Variants in ADAM20 observed in about 807,000 individuals in gnomAD.
ADAM20 encodes the protein disintegrin and metalloproteinase domain-containing protein 20.
For missense variants in ADAM20, 871 were observed against 883.2 expected, an observed-to-expected ratio of 0.99 and a Z score of 0.18; for synonymous variants, 305 against 310.2, an observed-to-expected ratio of 0.98 and a Z score of 0.18.
chr14:70,535,943 A>G (rs911808059), upstream of ADAM20, among the ~76,000 whole-genome samples: 1 of 152,246 alleles, frequency 6.6e-6, no homozygotes, highest in Non-Finnish European at 1.5e-5. Context: ...AGAAAACTTC[A>G]AAGTCTACTT....
At chr14:70,555,266 A>G in the ADAM20 span, among the ~76,000 whole-genome samples, 5 of 152,214 alleles carry the variant, frequency 3.3e-5, no homozygotes, top group African/African-American at 4.8e-5. Context: ...ATGTGTTCGC[A>G]CCACAAAAAA....
chr14:70,524,665 G>C lies in ADAM20; in HGVS notation c.93C>G (p.Ala31=), dbSNP rs1434456018. The change falls in exon 2 of 2, where the codon GCC becomes GCG. Residue 31 remains alanine, a synonymous_variant. Coordinates refer to ENST00000256389, the MANE Select transcript of ADAM20 (RefSeq NM_003814.5). ...MFLSISGHSQ[A]RPSQYFTSPE... ...GAGAAGTGAAATACTGGGAGGGCCT[G>C]GCCTGAGAGTGGCCAGAAATAGACA... The C allele has an allele frequency of 2.5e-6, 4 of 1,614,012 alleles. No individual in the cohort carries two copies. The highest frequency in any genetic ancestry group is 3.4e-6 in the Non-Finnish European group (4 of 1,179,966).
chr14:70,534,225 T>C (rs1033911704), intron 1 of ADAM20, among the ~76,000 whole-genome samples: 2 of 151,970 alleles, frequency 1.3e-5, no homozygotes, highest in East Asian at 3.8e-4. Context: ...AAAATTCTCA[T>C]GCTTAAAAAA....
In ADAM20 at chr14:70,526,290, G is replaced by A. The variant is rs138348731; in HGVS notation, c.-176-1357C>T. ...ATATTCTAAGAGCACAAATGAGCAT[G>A]TGCAACCTCCTTAGCATTATGATGT... On this transcript the variant is annotated intron_variant, in intron 1 of 1. Transcript: ENST00000256389. 9.2e-5 allele frequency among the ~76,000 whole-genome samples: 14 copies of A among 152,306 alleles called. No homozygotes were observed. The East Asian group carries it at 2.7e-3, about 29-fold the overall frequency.
chr14:70,525,224 T>C (rs575588643), intron 1 of ADAM20, among the ~76,000 whole-genome samples: 2 of 152,292 alleles, frequency 1.3e-5, no homozygotes, highest in East Asian at 3.9e-4. Context: ...TATTATTTCC[T>C]TATTTTACAG....
At chr14:70,574,588 C>T in the ADAM20 span, among the ~76,000 whole-genome samples, 2 of 151,522 alleles carry the variant, frequency 1.3e-5, no homozygotes, top group East Asian at 1.9e-4. Flanking sequence ...TGCAGTGAGC[C>T]GAGATCGCAC....
At chr14:70,533,818 C>T (rs1883768046) in intron 1 of ADAM20, among the ~76,000 whole-genome samples, 1 of 151,008 alleles carries the variant, frequency 6.6e-6, no homozygotes, top group Admixed American at 6.6e-5. Context: ...CACGGTGGCT[C>T]ATGCCTGTAA....
intron 1 of ADAM20, among the ~76,000 whole-genome samples, chr14:70,530,340 T>G (rs1237803478): frequency 6.6e-6 from 1 of 152,138 alleles, no homozygotes; most frequent in Non-Finnish European, 1.5e-5. Context: ...TCTCCTATGA[T>G]CACAATGCCT....
At chr14:70,543,435 C>A in the ADAM20 span, among the ~76,000 whole-genome samples, 3 of 152,140 alleles carry the variant, frequency 2.0e-5, no homozygotes, top group Non-Finnish European at 4.4e-5. Flanking sequence ...ATGGGCCTTT[C>A]CAAACATGCA....
At chr14:70,553,955 G>C in the ADAM20 span, among the ~76,000 whole-genome samples, 1 of 152,148 alleles carries the variant, frequency 6.6e-6, no homozygotes, top group Non-Finnish European at 1.5e-5. Flanking sequence ...ACAAGAGAAA[G>C]AAGTAAAGGG....
upstream of ADAM20, among the ~76,000 whole-genome samples, chr14:70,539,018 G>A (rs937679960): frequency 6.6e-6 from 1 of 152,170 alleles, no homozygotes; most frequent in Non-Finnish European, 1.5e-5. Flanking sequence ...CCTGATTATT[G>A]TAAATACAAA....
the ADAM20 span, among the ~76,000 whole-genome samples, chr14:70,560,091 A>C: frequency 6.6e-6 from 1 of 152,212 alleles, no homozygotes; most frequent in African/African-American, 2.4e-5. Flanking sequence ...ATCCAATATA[A>C]AATTTATTAA....
At chr14:70,532,488 T>C (rs1407705331) in intron 1 of ADAM20, among the ~76,000 whole-genome samples, 1 of 152,078 alleles carries the variant, frequency 6.6e-6, no homozygotes, top group Admixed American at 6.5e-5. Context: ...CTAAAAATCT[T>C]CTTAACAGCA....
chr14:70,560,685 T>A, the ADAM20 span, among the ~76,000 whole-genome samples: 6 of 152,196 alleles, frequency 3.9e-5, no homozygotes, highest in African/African-American at 1.2e-4. Context: ...TCATGAGATC[T>A]GATGGTTTAA....
At chr14:70,545,743 G>A in the ADAM20 span, among the ~76,000 whole-genome samples, 1 of 152,156 alleles carries the variant, frequency 6.6e-6, no homozygotes, top group Non-Finnish European at 1.5e-5. Context: ...TAAAGCAAGA[G>A]ATAGACTCCA....
rs573665968 is a variant in ADAM20 at position 70,526,054 on chromosome 14, G to C, written c.-176-1121C>G. ...GCCTACACAGAGGAGCTTAAGCCTAGAGTCCATTCATTCTAATGTTCAGAA... is the reference window on the plus strand; with the variant it reads ...GCCTACACAGAGGAGCTTAAGCCTACAGTCCATTCATTCTAATGTTCAGAA... On this transcript the variant is annotated intron_variant, in intron 1 of 1. Coordinates refer to ENST00000256389, the MANE Select transcript of ADAM20 (RefSeq NM_003814.5). Among the ~76,000 whole-genome samples the C allele has an allele frequency of 1.4e-4, 21 of 152,298 alleles. No individual in the cohort carries two copies. The South Asian group carries it at 4.1e-3, about 30-fold the overall frequency.
the ADAM20 span, among the ~76,000 whole-genome samples, chr14:70,578,045 T>G: frequency 6.6e-6 from 1 of 152,106 alleles, no homozygotes; most frequent in African/African-American, 2.4e-5. Flanking sequence ...AAAATTAAAG[T>G]TTTTTGTACA....
At chr14:70,527,820 A>G (rs936894774) in intron 1 of ADAM20, among the ~76,000 whole-genome samples, 1 of 152,146 alleles carries the variant, frequency 6.6e-6, no homozygotes, top group Non-Finnish European at 1.5e-5. Context: ...GTGTCAGGTC[A>G]GCCTCTTCAA....
chr14:70,569,909 A>C, the ADAM20 span, among the ~76,000 whole-genome samples: 9 of 143,374 alleles, frequency 6.3e-5, no homozygotes, highest in African/African-American at 1.9e-4. Context: ...AAAAAAAAAA[A>C]AAAAACACTC....
Sources: allele counts gnomAD v4.1 joint callset (sites outside exome capture counted in the v4.1 genomes callset), GRCh38; gene constraint gnomAD v4.1.1; transcripts MANE v1.5; gene names NCBI Gene and HGNC (gene_info 2026-07-23, HGNC 2026-07-21).